The following ALDOA variants were observed in gnomAD, a reference collection of about 807,000 sequenced individuals.
The protein encoded by ALDOA is fructose-bisphosphate aldolase A.
In ALDOA, 26 loss-of-function variants were observed where a neutral mutation model predicts 43.9. The observed-to-expected ratio is 0.59, with a 90% CI of 0.43 to 0.82. ALDOA has a LOEUF of 0.82. Ranked by LOEUF, ALDOA falls within the 40% of genes least tolerant of loss-of-function variation. The probability of loss-of-function intolerance (pLI) is 0.00; values close to 1 mark genes in which losing one functional copy is unlikely to be tolerated. For synonymous variants in ALDOA, 258 were observed against 222.6 expected (o/e 1.16, Z -1.42); for missense variants, 498 against 549.5 (o/e 0.91, Z 0.94).
At chr16:30,066,430 C>T (rs567692693) in intron 1 of ALDOA, among the ~76,000 whole-genome samples, 3 of 152,330 alleles carry the variant, frequency 2.0e-5, no homozygotes, top group South Asian at 2.1e-4. Flanking sequence ...TGCAGCCATG[C>T]GAAGCGACGG....
chr16:30,069,748 T>C, intron 8 of ALDOA, 75 bp downstream of exon 8: 1 of 1,611,886 alleles, frequency 6.2e-7, no homozygotes, highest in Non-Finnish European at 8.5e-7. Context: ...TTTGGACGGA[T>C]TTCCATGGCA....
chr16:30,065,955 C>G (rs529816416), intron 1 of ALDOA, 28 bp downstream of exon 1: 226 of 153,172 alleles, frequency 1.5e-3, no homozygotes, highest in Non-Finnish European at 2.5e-3. Context: ...CGTGCGGGGA[C>G]CAGGGACCGT....
In ALDOA at chr16:30,067,312, G is replaced by A. The variant is rs763532944; in HGVS notation, c.220G>A (p.Ala74Thr). The A allele has an allele frequency of 1.5e-5, 24 of 1,613,060 alleles. No homozygotes were observed. The African/African-American group carries it at 2.0e-4, about 13-fold the overall frequency. Residue 74 changes from alanine to threonine, a missense_variant, in exon 3 of 10, where the codon GCT (alanine) becomes ACT (threonine). Coordinates refer to ENST00000642816, the MANE Select transcript of ALDOA (RefSeq NM_001243177.4). ...PEQKKELSDI[A>T]HRIVAPGKGI... ...GCAGAAGAAGGAGCTGTCTGACATC[G>A]CTCACCGCATCGTGGCACCTGGCAA...
rs1567324570 is a variant in ALDOA, at chr16:30,068,903, G to A, written c.627G>A (p.Gly209=). Residue 209 remains glycine, a synonymous_variant, in exon 6 of 10, where the codon GGG becomes GGA. Coordinates refer to ENST00000642816, the MANE Select transcript of ALDOA (RefSeq NM_001243177.4). ...AGTGGCGTTGTGTGCTGAAGATTGG[G>A]GAACACACCCCCTCAGCCCTCGCCA... is the stretch of plus-strand genomic sequence containing the variant. ...FAKWRCVLKI[G]EHTPSALAIM... 1 of 1,614,236 alleles carries A rather than the reference G, an allele frequency of 6.2e-7. No homozygotes were observed. The highest frequency in any genetic ancestry group is 8.5e-7 in the Non-Finnish European group (1 of 1,180,050).
At position 30,067,676 on chromosome 16, in the gene ALDOA, T is replaced by C; in HGVS notation, c.486+15T>C. 1.2e-6 allele frequency: 2 copies of C among 1,613,878 alleles called. No individual in the cohort carries two copies. Among genetic ancestry groups the C allele is most frequent in the Non-Finnish European group, 1.7e-6 (2 of 1,179,908 alleles). On this transcript the variant is annotated intron_variant, in intron 4 of 9. Transcript: ENST00000642816. ...TGGGCATCAAGGTAAGGGGAGGGCC[T>C]CCGGACGTGAGGTTTGAGATGGAAG...
In ALDOA at chr16:30,067,532, A is replaced by G. The variant is rs1596810521; in HGVS notation, c.357A>G (p.Thr119=). 2 of 1,613,776 alleles carry G rather than the reference A, an allele frequency of 1.2e-6. No individual in the cohort carries two copies. Among genetic ancestry groups the G allele is most frequent in the Middle Eastern group, 1.7e-4 (1 of 6,060 alleles). ...NRRFYRQLLL[T]ADDRVNPCIG... ...GCTTCTACCGCCAGCTGCTGCTGAC[A>G]GCTGACGACCGCGTGAACCCCTGCA... The change falls in exon 4 of 10, where the codon ACA becomes ACG. Residue 119 remains threonine, a synonymous_variant. Transcript: ENST00000642816.
Position 30,070,313 on chromosome 16 carries a change from G to A in ALDOA, c.*101G>A, listed in dbSNP as rs539833998. On this transcript the variant is annotated 3_prime_UTR_variant, in exon 10 of 10. Transcript: ENST00000642816. ...CGGGGCTCCAGGCTGGCTTGCCCGC[G>A]CTCTTTCTTCCCTCGTGACAGTGGT... 1.3e-4 allele frequency: 146 copies of A among 1,142,372 alleles called. No homozygotes were observed. The highest frequency in any genetic ancestry group is 1.7e-4 in the Non-Finnish European group (133 of 762,156). 70.8% of individuals were successfully genotyped at this position (1,142,372 alleles called of 1,614,324 possible).
At chr16:30,067,977 CAG>C (rs1230960234) in intron 4 of ALDOA, 5 of 427,860 alleles carry the variant, frequency 1.2e-5, no homozygotes, top group East Asian at 9.4e-5. Flanking sequence ...TATCCTGTCT[CAG>C]AGGATTGTTA....
Position 30,070,332 on chromosome 16 carries a change from C to T in ALDOA, c.*120C>T. On this transcript the variant is annotated 3_prime_UTR_variant, in exon 10 of 10. Coordinates refer to ENST00000642816, the MANE Select transcript of ALDOA (RefSeq NM_001243177.4). ...GCCCGCGCTCTTTCTTCCCTCGTGA[C>T]AGTGGTGTGTGGTGTCGTCTGTGAA... The T allele has an allele frequency of 1.1e-6, 1 of 904,614 alleles. No homozygotes were observed. Among genetic ancestry groups the T allele is most frequent in the Admixed American group, 1.9e-5 (1 of 51,568 alleles). The allele number at this position is 904,614 out of a possible 1,614,324, so 56.0% of individuals were successfully genotyped here.
chr16:30,067,981 G>A (rs1032093272), intron 4 of ALDOA: 4 of 412,092 alleles, frequency 9.7e-6, no homozygotes, highest in Non-Finnish European at 1.3e-5. Context: ...CTGTCTCAGA[G>A]GATTGTTACT....
Position 30,070,280 on chromosome 16 carries a change from C to T in ALDOA, c.*68C>T, listed in dbSNP as rs1017405408. ...CCCCTCCCACTCTTGAAGAGGAGGC[C>T]GCCTCCTCGGGGCTCCAGGCTGGCT... is the stretch of plus-strand genomic sequence containing the variant. On this transcript the variant is annotated 3_prime_UTR_variant, in exon 10 of 10. Coordinates refer to ENST00000642816, the MANE Select transcript of ALDOA (RefSeq NM_001243177.4). 3.2e-5 allele frequency: 47 copies of T among 1,489,902 alleles called. No homozygotes were observed. The highest frequency in any genetic ancestry group is 9.7e-5 in the African/African-American group (7 of 72,436). 92.3% of individuals were successfully genotyped at this position (1,489,902 alleles called of 1,614,324 possible).
At chr16:30,065,510 G>A (rs1337790500), upstream of ALDOA, among the ~76,000 whole-genome samples, 3 of 152,206 alleles carry the variant, frequency 2.0e-5, no homozygotes, top group African/African-American at 4.8e-5. Flanking sequence ...GCCAGGCTGG[G>A]GGAAAGGAGC....
chr16:30,070,186 C>G lies in ALDOA; in HGVS notation c.1231C>G (p.Leu411Val). The change falls in exon 10 of 10, where the codon CTC (leucine) becomes GTC (valine). Residue 411 changes from leucine to valine, a missense_variant. By Grantham distance (32) the Leu-to-Val change is conservative (BLOSUM62 1). Transcript: ENST00000642816. ...GQAGAAASES[L>V]FVSNHAY ...GGCTGGGGCTGCTGCCAGCGAGTCCCTCTTCGTCTCTAACCACGCCTATTA... is the reference window on the plus strand; with the variant it reads ...GGCTGGGGCTGCTGCCAGCGAGTCCGTCTTCGTCTCTAACCACGCCTATTA... The G allele has an allele frequency of 1.2e-6, 2 of 1,614,146 alleles. No individual in the cohort carries two copies.
chr16:30,069,924 G>A lies in ALDOA; in HGVS notation c.1056G>A (p.Leu352=), dbSNP rs753928604. 6.2e-7 allele frequency: 1 copy of A among 1,614,102 alleles called. No homozygotes were observed. The highest frequency in any genetic ancestry group is 8.5e-7 in the Non-Finnish European group (1 of 1,180,034). ...GCCCCCTGCTGAAGCCCTGGGCCCT[G>A]ACCTTCTCCTACGGCCGAGCCCTGC... ...NKCPLLKPWA[L]TFSYGRALQA... Residue 352 remains leucine, a synonymous_variant, in exon 9 of 10, where the codon CTG becomes CTA. Transcript: ENST00000642816.
upstream of ALDOA, chr16:30,064,783 A>T: frequency 7.8e-5 from 11 of 140,792 alleles, no homozygotes; most frequent in East Asian, 2.3e-4. Flanking sequence ...GCCTCGCCGC[A>T]GGTGGGCCCC....
rs1011294334 is a variant in ALDOA at position 30,070,368 on chromosome 16, A to G, written c.*156A>G. ...GGTGTCGTCTGTGAATGCTAAGTCC[A>G]TCACCCTTTCCGGCACACTGCCAAA... On this transcript the variant is annotated 3_prime_UTR_variant, in exon 10 of 10. Coordinates refer to ENST00000642816, the MANE Select transcript of ALDOA (RefSeq NM_001243177.4). 5 of 696,338 alleles carry G rather than the reference A, an allele frequency of 7.2e-6. No individual in the cohort carries two copies. Among genetic ancestry groups the G allele is most frequent in the Non-Finnish European group, 1.3e-5 (5 of 395,288 alleles). The allele number at this position is 696,338 out of a possible 1,614,324, so 43.1% of individuals were successfully genotyped here.
rs1439374477 is a variant in ALDOA at position 30,068,874 on chromosome 16, G to A, written c.598G>A (p.Ala200Thr). 3.7e-6 allele frequency: 6 copies of A among 1,614,208 alleles called. No individual in the cohort carries two copies. Among genetic ancestry groups the A allele is most frequent in the African/African-American group, 1.3e-5 (1 of 75,046 alleles). The change falls in exon 6 of 10, where the codon GCC becomes ACC. Residue 200 changes from alanine (A) to threonine (T), a missense_variant. Coordinates refer to ENST00000642816, the MANE Select transcript of ALDOA (RefSeq NM_001243177.4). ...AQYKKDGADF[A>T]KWRCVLKIGE... The stretch of plus-strand genomic sequence containing the variant: ...GTACAAGAAGGACGGAGCTGACTTC[G>A]CCAAGTGGCGTTGTGTGCTGAAGAT...
rs146109120 is a variant in ALDOA at position 30,069,510 on chromosome 16, T to A, written c.798T>A (p.Ala266=). 1.9e-6 allele frequency: 3 copies of A among 1,614,022 alleles called. No individual in the cohort carries two copies. The highest frequency in any genetic ancestry group is 1.3e-5 in the African/African-American group (1 of 74,922). The part of the protein sequence containing the change: ...CQYVTEKVLA[A]VYKALSDHHI... ...CTGCTCTGCTCCAGGTGCTGGCTGC[T>A]GTCTACAAGGCTCTGAGTGACCACC... Residue 266 remains alanine (A), a synonymous_variant, in exon 8 of 10, where the codon GCT becomes GCA. Coordinates refer to ENST00000642816, the MANE Select transcript of ALDOA (RefSeq NM_001243177.4).
intron 1 of ALDOA, among the ~76,000 whole-genome samples, chr16:30,066,465 T>C (rs1167177652): frequency 6.6e-6 from 1 of 152,244 alleles, no homozygotes; most frequent in African/African-American, 2.4e-5. Flanking sequence ...GGAAGGCGCT[T>C]GCTCCTCCAC....
Sources: allele counts gnomAD v4.1 joint callset (sites outside exome capture counted in the v4.1 genomes callset), GRCh38; gene constraint gnomAD v4.1.1; transcripts MANE v1.5; gene names NCBI Gene and HGNC (gene_info 2026-07-23, HGNC 2026-07-21).